SLC52A3: variants seen among roughly 807,000 people sequenced by gnomAD.
SLC52A3 encodes solute carrier family 52, riboflavin transporter, member 3.
Under a neutral mutation model 29.5 loss-of-function variants are expected in SLC52A3, and 20 were observed. The ratio of observed to expected loss-of-function variants is 0.68; its 90% CI spans 0.48 to 0.99. The LOEUF is 0.99. SLC52A3 is among the 50% of genes least tolerant of loss of function. The pLI, the probability that SLC52A3 is intolerant of heterozygous loss-of-function variation, is 0.00. For missense variants in SLC52A3, 548 were observed against 612.9 expected (o/e 0.89, Z 1.12); for synonymous variants, 301 against 271.0 (o/e 1.11, Z -1.09).
chr20:761,319 A>C, intron 4 of SLC52A3, 81 bp from the exon 5 acceptor site: 11 of 1,392,880 alleles, frequency 7.9e-6, no homozygotes, highest in Non-Finnish European at 8.7e-6. Context: ...CACAGGGCTC[A>C]GGGGAACCCA....
chr20:776,455 G>T (rs181338170), upstream of SLC52A3, among the ~76,000 whole-genome samples: 82 of 152,294 alleles, frequency 5.4e-4, 1 homozygote, highest in African/African-American at 1.9e-3. Flanking sequence ...AGAAATTAAT[G>T]CATTTAATCT....
At chr20:764,578 C>T (rs1486043846) in intron 2 of SLC52A3, among the ~76,000 whole-genome samples, 1 of 146,572 alleles carries the variant, frequency 6.8e-6, no homozygotes, top group Admixed American at 7.0e-5. Flanking sequence ...AAATAAGGGC[C>T]TTCAGGACAT....
At chr20:767,828 C>A (rs1986734820) in intron 1 of SLC52A3, among the ~76,000 whole-genome samples, 1 of 152,216 alleles carries the variant, frequency 6.6e-6, no homozygotes, top group South Asian at 2.1e-4. Context: ...CCTCCAGAGC[C>A]ATTCTGCCAT....
At chr20:772,313 G>T (rs997720667), upstream of SLC52A3, among the ~76,000 whole-genome samples, 1 of 152,228 alleles carries the variant, frequency 6.6e-6, no homozygotes, top group Non-Finnish European at 1.5e-5. Flanking sequence ...CTGTTTCCTT[G>T]TCTGGAAACC....
At chr20:772,674 T>C (rs1986880458), upstream of SLC52A3, among the ~76,000 whole-genome samples, 1 of 152,084 alleles carries the variant, frequency 6.6e-6, no homozygotes, top group Admixed American at 6.6e-5. Flanking sequence ...CAGTATTTCT[T>C]GGGCACCAAC....
chr20:770,754 CA>C (rs1423634066), upstream of SLC52A3, among the ~76,000 whole-genome samples: 1 of 152,124 alleles, frequency 6.6e-6, no homozygotes, highest in African/African-American at 2.4e-5. The surrounding 1 kb of genome is among the most constrained non-coding windows in gnomAD (Gnocchi z 4.5). Flanking sequence ...TAGAGCAAGG[CA>C]AAAATAATAA....
Position 763,718 on chromosome 20 carries a change from G to C in SLC52A3, c.853C>G (p.Gln285Glu), listed in dbSNP as rs767916187. 4.3e-6 allele frequency: 7 copies of C among 1,614,134 alleles called. No homozygotes were observed. The South Asian group carries it at 7.7e-5, about 18-fold the overall frequency. ...PAGTVDSSQG[Q>E]GYLEEKAAPC... ...GCTGCTTTCTCCTCTAGATACCCCT[G>C]GCCCTGGCTGCTGTCCACCGTGCCT... Residue 285 changes from glutamine (Q) to glutamate (E), a missense_variant, in exon 3 of 5, where the codon CAG (glutamine) becomes GAG (glutamate). Transcript: ENST00000645534.
Position 761,249 on chromosome 20 carries a change from G to A in SLC52A3, c.1198-11C>T, listed in dbSNP as rs1182636004. ...CACCCACGAGGCCACCTGCGGGGCC[G>A]GGAGGGAAGAGGTGCAGAGTCACGG... On this transcript the variant is annotated splice_polypyrimidine_tract_variant and intron_variant, in intron 4 of 4. Transcript: ENST00000645534. 17 of 1,544,140 alleles carry A rather than the reference G, an allele frequency of 1.1e-5. No individual in the cohort carries two copies. Among genetic ancestry groups the A allele is most frequent in the African/African-American group, 9.6e-5 (7 of 72,968 alleles).
Position 761,064 on chromosome 20 carries a change from A to C in SLC52A3, c.1372T>G (p.Ser458Ala). 6.2e-7 allele frequency: 1 copy of C among 1,610,068 alleles called. No individual in the cohort carries two copies. The highest frequency in any genetic ancestry group is 8.5e-7 in the Non-Finnish European group (1 of 1,178,790). ...TGCAGATTGCAGAAGTCCGCGGACG[A>C]GAAGAGCCGCAGCACGTTGACCAGA... ...FPLVNVLRLFSSADFCNLHCP... is the reference protein window; with the variant it reads ...FPLVNVLRLFASADFCNLHCP... Residue 458 changes from serine to alanine, a missense_variant, in exon 5 of 5, where the codon TCG becomes GCG. By Grantham distance (99) the Ser-to-Ala change is moderately conservative (BLOSUM62 1). Transcript: ENST00000645534.
chr20:777,272 C>CAAAAA (rs11438035), upstream of SLC52A3, among the ~76,000 whole-genome samples: 8 of 147,928 alleles, frequency 5.4e-5, no homozygotes, highest in African/African-American at 2.0e-4. Context: ...AAACAAAAAA[C>CAAAAA]AAAAAAAAAA....
upstream of SLC52A3, among the ~76,000 whole-genome samples, chr20:769,105 A>G (rs1002197463): frequency 2.0e-5 from 3 of 152,224 alleles, no homozygotes; most frequent in African/African-American, 7.2e-5. Context: ...TGAAGGTGGA[A>G]GGGCCTTTCT....
At chr20:776,862 G>C (rs550507458), upstream of SLC52A3, among the ~76,000 whole-genome samples, 50 of 151,660 alleles carry the variant, frequency 3.3e-4, no homozygotes, top group Non-Finnish European at 4.7e-4. Context: ...CTTTTGGGGG[G>C]GGGGCCACAG....
chr20:765,328 G>A lies in SLC52A3; in HGVS notation c.447C>T (p.Gly149=). 2 of 1,614,114 alleles carry A rather than the reference G, an allele frequency of 1.2e-6. No individual in the cohort carries two copies. The highest frequency in any genetic ancestry group is 8.5e-7 in the Non-Finnish European group (1 of 1,180,002). ...CAAGAGCCACCAGGGCGGGCAAGAGGCCGCTGAGTCCTTCACCCACAAAGA... is the reference window on the plus strand; with the variant it reads ...CAAGAGCCACCAGGGCGGGCAAGAGACCGCTGAGTCCTTCACCCACAAAGA... The part of the protein sequence containing the change: ...TTFFVGEGLS[G]LLPALVALAQ... Residue 149 remains glycine (G), a synonymous_variant, in exon 2 of 5, where the codon GGC becomes GGT. Coordinates refer to ENST00000645534, the MANE Select transcript of SLC52A3 (RefSeq NM_033409.4). The surrounding 1 kb of genome is among the most constrained non-coding windows in gnomAD (Gnocchi z 6.6).
Position 765,944 on chromosome 20 carries a change from T to C in SLC52A3, c.-51-119A>G. 1 of 655,468 alleles carries C rather than the reference T, an allele frequency of 1.5e-6. No individual in the cohort carries two copies. The highest frequency in any genetic ancestry group is 2.6e-6 in the Non-Finnish European group (1 of 379,734). The allele number at this position is 655,468 out of a possible 1,614,324, so 40.6% of individuals were successfully genotyped here. A position where few individuals can be genotyped will look rare whatever the true frequency, so the allele number is the denominator to read the frequency against. The stretch of plus-strand genomic sequence containing the variant: ...TTCCTGTGAACAAGCTGGCTTTTTT[T>C]TTTTTCCTTTGAGACATAGTTTCAC... On this transcript the variant is annotated intron_variant, in intron 1 of 4. Coordinates refer to ENST00000645534, the MANE Select transcript of SLC52A3 (RefSeq NM_033409.4). The surrounding 1 kb of genome is among the most constrained non-coding windows in gnomAD (Gnocchi z 6.6).
chr20:778,659 G>T (rs1223429748), upstream of SLC52A3, among the ~76,000 whole-genome samples: 3 of 151,834 alleles, frequency 2.0e-5, no homozygotes, highest in East Asian at 5.8e-4. Context: ...CTAAATTTAT[G>T]ATGCCAAGGG....
Position 765,245 on chromosome 20 carries a change from G to C in SLC52A3, c.530C>G (p.Pro177Arg). 6.2e-7 allele frequency: 1 copy of C among 1,614,208 alleles called. No individual in the cohort carries two copies. The highest frequency in any genetic ancestry group is 8.5e-7 in the Non-Finnish European group (1 of 1,180,048). The change falls in exon 2 of 5, where the codon CCA (proline) becomes CGA (arginine). Residue 177 changes from proline to arginine, a missense_variant. Transcript: ENST00000645534. This position sits in a 1 kb window ranked among gnomAD's most constrained non-coding sequence, Gnocchi z 6.6. ...VNVTEISDSV[P>R]SPVPTRETDI... ...AGTCTCCCTCGTGGGTACAGGGCTT[G>C]GTACGCTGTCTGATATCTCAGTGAC...
In SLC52A3 at chr20:763,537, T is replaced by C; in HGVS notation, c.1034A>G (p.Asn345Ser). ...CATGGAGACCAACGAGGCAAGAGGG[T>C]TGGCCACAATGCTGAGGGTGGCAGC... ...HLAATLSIVA[N>S]PLASLVSMFL... Residue 345 changes from asparagine to serine, a missense_variant, in exon 3 of 5, where the codon AAC becomes AGC. By Grantham distance (46) the Asn-to-Ser change is conservative. This residue lies in a region of SLC52A3 where 375 missense variants were observed against 471.1 expected (regional missense o/e 0.80). Coordinates refer to ENST00000645534, the MANE Select transcript of SLC52A3 (RefSeq NM_033409.4). 1 of 1,614,016 alleles carries C rather than the reference T, an allele frequency of 6.2e-7. No homozygotes were observed. The highest frequency in any genetic ancestry group is 8.5e-7 in the Non-Finnish European group (1 of 1,179,978).
At chr20:766,788 G>A (rs1025700154) in intron 1 of SLC52A3, among the ~76,000 whole-genome samples, 10 of 152,274 alleles carry the variant, frequency 6.6e-5, no homozygotes, top group South Asian at 2.1e-4. Flanking sequence ...ACATGGACGC[G>A]CGTGACATTC....
chr20:763,769 G>A lies in SLC52A3; in HGVS notation c.802C>T (p.Arg268Trp), dbSNP rs145498634. The change falls in exon 3 of 5, where the codon CGG (arginine) becomes TGG (tryptophan). Residue 268 changes from arginine (R) to tryptophan (W), a missense_variant. Physicochemically the swap from Arg to Trp is moderately radical, Grantham distance 101 (BLOSUM62 -3). Around this residue, in one of 2 missense-constraint regions of SLC52A3, gnomAD observed 375 missense variants for 471.1 expected, o/e 0.80. Coordinates refer to ENST00000645534, the MANE Select transcript of SLC52A3 (RefSeq NM_033409.4). ...DQVTLHSIRPREENDLGPAGT... is the reference protein window; with the variant it reads ...DQVTLHSIRPWEENDLGPAGT... ...GCAGGGCCCAAGTCATTCTCTTCCC[G>A]CGGCCGGATGGAGTGGAGGGTGACC... 3.7e-5 allele frequency: 59 copies of A among 1,614,016 alleles called. No individual in the cohort carries two copies. Among genetic ancestry groups the A allele is most frequent in the Admixed American group, 2.0e-4 (12 of 59,988 alleles).
Sources: gnomAD v4.1 joint callset for allele counts (sites outside exome capture counted in the v4.1 genomes callset) on GRCh38, gnomAD v4.1.1 for gene constraint, gnomAD v4.1.1 regional missense constraint, Gnocchi (gnomAD v3.1) non-coding constraint, MANE v1.5 for transcripts, NCBI Gene and HGNC (gene_info 2026-07-23, HGNC 2026-07-21) for gene names.